Variants in ANGPT1 observed in about 807,000 individuals in gnomAD.
ANGPT1 encodes angiopoietin 1, also known as angiopoietin-1.
ANGPT1 carries 17 observed loss-of-function variants against 62.2 expected under a neutral mutation model. The ratio of observed to expected loss-of-function variants is 0.27; its 90% CI spans 0.19 to 0.41. ANGPT1 has a LOEUF of 0.41. ANGPT1 is among the 10% of genes least tolerant of loss of function. The pLI is 1.00. For synonymous variants in ANGPT1, 199 were observed against 198.9 expected, an observed-to-expected ratio of 1.00 and a Z score of 0.00; for missense variants, 478 against 594.9, an observed-to-expected ratio of 0.80 and a Z score of 2.04.
At chr8:107,421,373 A>C (rs1810891262) in intron 1 of ANGPT1, among the ~76,000 whole-genome samples, 1 of 152,200 alleles carries the variant, frequency 6.6e-6, no homozygotes, top group African/African-American at 2.4e-5. Flanking sequence ...AGCCTAATAA[A>C]AATGTCCAGT....
chr8:107,485,063 G>T (rs1021079816), intron 1 of ANGPT1, among the ~76,000 whole-genome samples: 3 of 152,122 alleles, frequency 2.0e-5, no homozygotes, highest in Admixed American at 1.3e-4. Flanking sequence ...TTGGGGAAAG[G>T]TCTCTGTTAT....
intron 1 of ANGPT1, among the ~76,000 whole-genome samples, chr8:107,443,734 G>A (rs778262256): frequency 1.3e-5 from 2 of 151,006 alleles, no homozygotes; most frequent in African/African-American, 2.4e-5. Context: ...CAGGAGAATC[G>A]CTTGAACACA....
chr8:107,418,607 A>G (rs1227138044), intron 1 of ANGPT1, among the ~76,000 whole-genome samples: 1 of 152,246 alleles, frequency 6.6e-6, no homozygotes, highest in Non-Finnish European at 1.5e-5. Flanking sequence ...ACTATCTGGA[A>G]AATCCAGTAA....
intron 1 of ANGPT1, among the ~76,000 whole-genome samples, chr8:107,403,821 CAG>C (rs777325191): frequency 2.0e-5 from 3 of 151,872 alleles, no homozygotes; most frequent in Non-Finnish European, 4.4e-5. Context: ...TGCTTGAAAG[CAG>C]AGAGTTGAGT....
chr8:107,295,770 G>C (rs1042271484), intron 5 of ANGPT1, among the ~76,000 whole-genome samples: 1 of 152,110 alleles, frequency 6.6e-6, no homozygotes, highest in Non-Finnish European at 1.5e-5. Context: ...CGAGCACTTC[G>C]AGATGATCTA....
chr8:107,365,856 A>AACACACAC (rs10627552), intron 1 of ANGPT1, among the ~76,000 whole-genome samples: 3,660 of 147,138 alleles, frequency 0.025, 119 homozygotes, highest in African/African-American at 0.068. Flanking sequence ...AAACAAATAC[A>AACACACAC]ACACACACAC....
chr8:107,332,392 G>A (rs764424339), intron 3 of ANGPT1, among the ~76,000 whole-genome samples: 2 of 152,150 alleles, frequency 1.3e-5, no homozygotes, highest in Non-Finnish European at 2.9e-5. Flanking sequence ...ATTGCCTAAA[G>A]AGAGCAAACT....
chr8:107,252,214 C>T (rs1248018689), intron 8 of ANGPT1, among the ~76,000 whole-genome samples, 199 bp from the exon 9 acceptor site: 1 of 152,022 alleles, frequency 6.6e-6, no homozygotes, highest in Non-Finnish European at 1.5e-5. Flanking sequence ...TTTGTATGAC[C>T]CATCACAGAC....
chr8:107,461,697 T>C (rs62514470), intron 1 of ANGPT1, among the ~76,000 whole-genome samples: 8,002 of 152,232 alleles, frequency 0.053, 242 homozygotes, highest in South Asian at 0.11. Flanking sequence ...ATACATGCTG[T>C]GGCCAAAGTA....
chr8:107,402,177 C>A (rs1464988377), intron 1 of ANGPT1, among the ~76,000 whole-genome samples: 4 of 152,110 alleles, frequency 2.6e-5, no homozygotes, highest in Admixed American at 6.5e-5. Context: ...TTTTAAAGAA[C>A]AAATTGGTAT....
At chr8:107,419,570 A>C (rs1023614032) in intron 1 of ANGPT1, among the ~76,000 whole-genome samples, 9 of 152,162 alleles carry the variant, frequency 5.9e-5, no homozygotes, top group African/African-American at 2.2e-4. Context: ...GAAAGTCCCC[A>C]TGTCACTTAT....
intron 5 of ANGPT1, chr8:107,294,537 T>C (rs946241246): frequency 6.6e-6 from 1 of 152,622 alleles, no homozygotes; most frequent in African/African-American, 2.4e-5. Flanking sequence ...AATTCTTATA[T>C]ATGTACATGT....
At chr8:107,259,012 T>C (rs1036233702) in intron 8 of ANGPT1, among the ~76,000 whole-genome samples, 1 of 152,158 alleles carries the variant, frequency 6.6e-6, no homozygotes, top group African/African-American at 2.4e-5. Context: ...GGGGATACAG[T>C]AGTGGACAGC....
intron 1 of ANGPT1, among the ~76,000 whole-genome samples, chr8:107,384,231 G>T (rs78447248): frequency 1.8e-3 from 274 of 152,050 alleles, no homozygotes; most frequent in African/African-American, 6.2e-3. Flanking sequence ...AAAATGCCAA[G>T]GTTGGCATGG....
intron 7 of ANGPT1, among the ~76,000 whole-genome samples, chr8:107,276,827 T>C (rs1207179462): frequency 6.6e-6 from 1 of 152,164 alleles, no homozygotes; most frequent in Non-Finnish European, 1.5e-5. Flanking sequence ...TACTTCCCAA[T>C]GAAGATCTTG....
chr8:107,310,959 G>A (rs1174598500), intron 4 of ANGPT1, among the ~76,000 whole-genome samples: 1 of 134,280 alleles, frequency 7.4e-6, no homozygotes, highest in African/African-American at 3.0e-5. Flanking sequence ...GTATGTATGT[G>A]TGTGTGTATG....
intron 5 of ANGPT1, among the ~76,000 whole-genome samples, chr8:107,295,766 C>T (rs1441576310): frequency 2.0e-5 from 3 of 152,074 alleles, no homozygotes; most frequent in Non-Finnish European, 2.9e-5. Context: ...TTATCGAGCA[C>T]TTCGAGATGA....
intron 1 of ANGPT1, among the ~76,000 whole-genome samples, chr8:107,446,174 C>T (rs1460709162): frequency 6.6e-6 from 1 of 152,172 alleles, no homozygotes; most frequent in East Asian, 1.9e-4. Flanking sequence ...GCCTTGGCTT[C>T]CCAGAGTGCT....
intron 3 of ANGPT1, among the ~76,000 whole-genome samples, chr8:107,335,845 T>C (rs1815545099): frequency 7.7e-6 from 1 of 129,300 alleles, no homozygotes. Context: ...TTTATGTCAC[T>C]TTATTTAGTC....
Sources: allele counts gnomAD v4.1 joint callset (sites outside exome capture counted in the v4.1 genomes callset), GRCh38; gene constraint gnomAD v4.1.1; transcripts MANE v1.5; gene names NCBI Gene and HGNC (gene_info 2026-07-23, HGNC 2026-07-21).